Variants in LOXL2 observed in about 807,000 individuals in gnomAD.
The protein encoded by LOXL2 is lysyl oxidase like 2, also known as lysyl oxidase homolog 2.
A neutral mutation model predicts 93.0 loss-of-function variants in LOXL2; 70 were observed. The ratio of observed to expected loss-of-function variants is 0.75; its 90% CI spans 0.62 to 0.92. The LOEUF (loss-of-function observed/expected upper bound fraction) is 0.92. Among genes scored for constraint, LOXL2 ranks in the 40% least tolerant of loss-of-function variants. The pLI is 0.00. For synonymous variants in LOXL2, 438 were observed against 413.2 expected (o/e 1.06, Z -0.73); for missense variants, 973 against 1,054.9 (o/e 0.92, Z 1.08).
intron 3 of LOXL2, among the ~76,000 whole-genome samples, chr8:23,357,256 G>T (rs992831857): frequency 1.3e-5 from 2 of 152,078 alleles, no homozygotes; most frequent in Non-Finnish European, 2.9e-5. Context: ...TTTTAGTAGA[G>T]ATGAGATTTC....
At chr8:23,312,353 G>T (rs1266188103) in intron 9 of LOXL2, among the ~76,000 whole-genome samples, 3 of 142,744 alleles carry the variant, frequency 2.1e-5, no homozygotes, top group African/African-American at 8.3e-5. Context: ...CCAAAAAAGA[G>T]AATTTTAGAC....
At chr8:23,304,033 G>A (rs1360853675) in intron 10 of LOXL2, among the ~76,000 whole-genome samples, 1 of 152,260 alleles carries the variant, frequency 6.6e-6, no homozygotes, top group African/African-American at 2.4e-5. Flanking sequence ...CAGCAAGTCT[G>A]TGCTCCTCGC....
chr8:23,355,500 A>C (rs1473106830), intron 3 of LOXL2, among the ~76,000 whole-genome samples: 2 of 138,506 alleles, frequency 1.4e-5, no homozygotes, highest in African/African-American at 2.8e-5. Flanking sequence ...TCTGTAAAGC[A>C]GTTGACATTC....
chr8:23,327,145 G>C (rs1031907217), intron 6 of LOXL2, among the ~76,000 whole-genome samples: 16 of 152,168 alleles, frequency 1.1e-4, no homozygotes, highest in African/African-American at 2.9e-4. Flanking sequence ...TCCTTCCAAC[G>C]TCAGGGCACC....
intron 4 of LOXL2, among the ~76,000 whole-genome samples, chr8:23,340,165 C>T (rs565539184): frequency 6.6e-6 from 1 of 152,314 alleles, no homozygotes; most frequent in African/African-American, 2.4e-5. Context: ...GTTCTATCAC[C>T]TTTCTCCAGT....
In LOXL2 at chr8:23,353,841, C is replaced by T. The variant is rs564883994; in HGVS notation, c.531+6249G>A. On this transcript the variant is annotated intron_variant, in intron 3 of 13. Coordinates refer to ENST00000389131, the MANE Select transcript of LOXL2 (RefSeq NM_002318.3). ...ATTGCCACTGAACTACAGGCCGTCA[C>T]AGCTGGAAGGGATTGAATTCAACTC... Among the ~76,000 whole-genome samples the T allele has an allele frequency of 2.0e-5, 3 of 152,346 alleles. No homozygotes were observed. In the South Asian group the frequency reaches 6.2e-4, roughly 32 times the overall value.
At chr8:23,321,526 C>T (rs1486688325) in intron 7 of LOXL2, among the ~76,000 whole-genome samples, 2 of 152,168 alleles carry the variant, frequency 1.3e-5, no homozygotes, top group African/African-American at 4.8e-5. Context: ...CTGACCTCAC[C>T]AGTGACAATG....
chr8:23,327,224 G>A (rs1191303974), intron 6 of LOXL2, among the ~76,000 whole-genome samples: 1 of 152,218 alleles, frequency 6.6e-6, no homozygotes, highest in Non-Finnish European at 1.5e-5. Flanking sequence ...AATGGCACTA[G>A]ACAGATGAGC....
rs1441863493 is a variant in LOXL2 at position 23,385,898 on chromosome 8, C to A, written c.-83-17464G>T. Reference sequence around the variant, plus strand: ...TCTTTTTGTACTAAGTCTTTGAAATCCAGCACGTACTTTGCGTTTGCAGCG... The same window carrying A: ...TCTTTTTGTACTAAGTCTTTGAAATACAGCACGTACTTTGCGTTTGCAGCG... On this transcript the variant is annotated intron_variant, in intron 1 of 13. Coordinates refer to ENST00000389131, the MANE Select transcript of LOXL2 (RefSeq NM_002318.3). 4 of 757,916 alleles carry A rather than the reference C, an allele frequency of 5.3e-6. No individual in the cohort carries two copies. In the Admixed American group the frequency reaches 6.9e-5, roughly 13 times the overall value. The allele number at this position is 757,916 out of a possible 1,614,324, so 46.9% of individuals were successfully genotyped here.
chr8:23,358,279 C>T (rs1019710197), intron 3 of LOXL2, among the ~76,000 whole-genome samples: 9 of 152,222 alleles, frequency 5.9e-5, no homozygotes, highest in African/African-American at 2.2e-4. Context: ...TAAGCAGTCT[C>T]CTCCACAGCT....
At chr8:23,338,563 G>A (rs537344098) in intron 4 of LOXL2, among the ~76,000 whole-genome samples, 214 of 152,056 alleles carry the variant, frequency 1.4e-3, no homozygotes, top group African/African-American at 4.9e-3. Flanking sequence ...ATTTCCTGCA[G>A]AGTGGGCAGT....
chr8:23,297,734 AAGCT>A lies in LOXL2; in HGVS notation c.*305_*308del. On this transcript the variant is annotated 3_prime_UTR_variant, in exon 14 of 14. Transcript: ENST00000389131. ...GTGAGCTCGGTGGCTTGAATGGGACAAGCTGATGACAACCTGTCTGTGGGCCTCA... is the reference window on the plus strand; with the variant it reads ...GTGAGCTCGGTGGCTTGAATGGGACAGATGACAACCTGTCTGTGGGCCTCA... 8.4e-6 allele frequency: 2 copies of A among 237,238 alleles called. No individual in the cohort carries two copies. The highest frequency in any genetic ancestry group is 1.6e-5 in the Non-Finnish European group (2 of 126,118). 14.7% of individuals were successfully genotyped at this position (237,238 alleles called of 1,614,324 possible).
chr8:23,322,269 A>C lies in LOXL2; in HGVS notation c.1163T>G (p.Ile388Ser), dbSNP rs1803509274. ...GSRLGQGIGP[I>S]HLNEIQCTGN... ...TGTGCACTGGATCTCGTTGAGGTGG[A>C]TGGGTCCGATCCCTGCAAGGGGAGA... Residue 388 changes from isoleucine (I) to serine (S), a missense_variant, in exon 7 of 14, where the codon ATC becomes AGC. Physicochemically the swap from Ile to Ser is moderately radical, Grantham distance 142 (BLOSUM62 -2). Transcript: ENST00000389131. 6.2e-7 allele frequency: 1 copy of C among 1,614,142 alleles called. No individual in the cohort carries two copies. The highest frequency in any genetic ancestry group is 1.1e-5 in the South Asian group (1 of 91,076).
intron 10 of LOXL2, among the ~76,000 whole-genome samples, chr8:23,306,358 C>G (rs1419717393): frequency 6.6e-6 from 1 of 152,218 alleles, no homozygotes. Flanking sequence ...ATGGACAGTC[C>G]TGGAGGTGCT....
At chr8:23,396,072 C>G (rs1800086270) in intron 1 of LOXL2, among the ~76,000 whole-genome samples, 1 of 152,086 alleles carries the variant, frequency 6.6e-6, no homozygotes, top group African/African-American at 2.4e-5. Flanking sequence ...ACCTGTAATT[C>G]CAGCACTTTG....
At chr8:23,386,252 G>A (rs1033971819) in intron 1 of LOXL2, among the ~76,000 whole-genome samples, 4 of 152,166 alleles carry the variant, frequency 2.6e-5, no homozygotes, top group African/African-American at 9.6e-5. Flanking sequence ...AATTAGCCGG[G>A]CGTGGTAGCA....
chr8:23,298,458 T>TA (rs1803074871), intron 13 of LOXL2, among the ~76,000 whole-genome samples: 2 of 152,256 alleles, frequency 1.3e-5, no homozygotes, highest in African/African-American at 4.8e-5. Flanking sequence ...TATTGGAGAC[T>TA]AGAAATAACA....
chr8:23,332,411 C>T lies in LOXL2; in HGVS notation c.966+990G>A, dbSNP rs148015397. On this transcript the variant is annotated intron_variant, in intron 5 of 13. Coordinates refer to ENST00000389131, the MANE Select transcript of LOXL2 (RefSeq NM_002318.3). ...TCATACACACACACTCATACACACA[C>T]CGCCACACACCCACAAACACACCCC... is the stretch of plus-strand genomic sequence containing the variant. Among the ~76,000 whole-genome samples the T allele has an allele frequency of 3.7e-3, 511 of 137,126 alleles. 29 individuals are homozygous for T. The East Asian group carries it at 0.09, about 24-fold the overall frequency. 90.0% of individuals were successfully genotyped at this position (137,126 alleles called of 152,430 possible). A position where few individuals can be genotyped will look rare whatever the true frequency, so the allele number is the denominator to read the frequency against.
At chr8:23,396,987 A>T (rs77067737) in intron 1 of LOXL2, among the ~76,000 whole-genome samples, 1 of 152,242 alleles carries the variant, frequency 6.6e-6, no homozygotes, top group African/African-American at 2.4e-5. Flanking sequence ...GAGATAAACA[A>T]ATGTGGTCTA....
Sources: allele counts gnomAD v4.1 joint callset (sites outside exome capture counted in the v4.1 genomes callset), GRCh38; gene constraint gnomAD v4.1.1; transcripts MANE v1.5; gene names NCBI Gene and HGNC (gene_info 2026-07-23, HGNC 2026-07-21).